The following AMOTL1 variants were observed in gnomAD, a reference collection of about 807,000 sequenced individuals.
AMOTL1 encodes angiomotin-like protein 1.
A neutral mutation model predicts 102.9 loss-of-function variants in AMOTL1; 45 were observed. The ratio of observed to expected loss-of-function variants is 0.44; its 90% confidence interval spans 0.34 to 0.56. AMOTL1 has a LOEUF of 0.56. Ranked by LOEUF, AMOTL1 falls within the 20% of genes least tolerant of loss-of-function variation. The pLI is 0.01. For synonymous variants in AMOTL1, 481 were observed against 484.7 expected (o/e 0.99, Z 0.10); for missense variants, 1,114 against 1,225.6 (o/e 0.91, Z 1.36).
chr11:94,834,460 G>A (rs751471023), intron 6 of AMOTL1, among the ~76,000 whole-genome samples: 1 of 152,112 alleles, frequency 6.6e-6, no homozygotes, highest in Non-Finnish European at 1.5e-5. Flanking sequence ...GATGGTGGGC[G>A]CCTGTAGTCC....
intron 3 of AMOTL1, among the ~76,000 whole-genome samples, chr11:94,815,688 A>T (rs1215827640): frequency 6.6e-6 from 1 of 152,142 alleles, no homozygotes; most frequent in African/African-American, 2.4e-5. Flanking sequence ...AGTTATTTAT[A>T]AAACAAGGTA....
chr11:94,717,277 C>T (rs1950112167), intron 1 of AMOTL1, among the ~76,000 whole-genome samples: 1 of 150,050 alleles, frequency 6.7e-6, no homozygotes, highest in Non-Finnish European at 1.5e-5. Flanking sequence ...TCTTATCTCA[C>T]AATAAACTTT....
chr11:94,822,248 G>T (rs754629147), intron 4 of AMOTL1, among the ~76,000 whole-genome samples: 19 of 152,162 alleles, frequency 1.2e-4, no homozygotes, highest in Non-Finnish European at 2.4e-4. Context: ...GGGAGTTTGA[G>T]ACCAGCCTGG....
intron 1 of AMOTL1, among the ~76,000 whole-genome samples, chr11:94,775,098 A>C (rs571570097): frequency 6.6e-6 from 1 of 152,336 alleles, no homozygotes; most frequent in South Asian, 2.1e-4. Context: ...GGCTTAAATG[A>C]CATAGTGAAT....
At chr11:94,810,870 G>A (rs936964111) in intron 3 of AMOTL1, among the ~76,000 whole-genome samples, 8 of 133,794 alleles carry the variant, frequency 6.0e-5, no homozygotes, top group African/African-American at 1.1e-4. Context: ...ACACACACAC[G>A]CGTACACACA....
At chr11:94,787,557 G>T (rs371636488) in intron 1 of AMOTL1, among the ~76,000 whole-genome samples, 1 of 151,432 alleles carries the variant, frequency 6.6e-6, no homozygotes, top group South Asian at 2.1e-4. Flanking sequence ...GCATGGTGGC[G>T]CGCGCCTGTA....
Position 94,784,968 on chromosome 11 carries a change from C to CA in AMOTL1, c.50-10030dup, listed in dbSNP as rs3031880. ...GCAACACAGCCATGAAAATAATGTG[C>CA]AAAAAAAAAAAAAGAAAAGAAAAGA... is the stretch of plus-strand genomic sequence containing the variant. On this transcript the variant is annotated intron_variant, in intron 1 of 12. Coordinates refer to ENST00000433060, the MANE Select transcript of AMOTL1 (RefSeq NM_130847.3). 4.2e-3 allele frequency among the ~76,000 whole-genome samples: 610 copies of CA among 146,854 alleles called. 12 individuals are homozygous for CA. Among genetic ancestry groups the CA allele is most frequent in the South Asian group, 0.033 (155 of 4,642 alleles).
intron 1 of AMOTL1, among the ~76,000 whole-genome samples, chr11:94,776,694 C>T (rs903532654): frequency 1.3e-5 from 2 of 152,212 alleles, no homozygotes; most frequent in Non-Finnish European, 2.9e-5. Context: ...GGTGGTATGA[C>T]CCAGCAATGT....
chr11:94,817,167 G>A (rs1352124655), intron 3 of AMOTL1, among the ~76,000 whole-genome samples: 2 of 151,740 alleles, frequency 1.3e-5, no homozygotes, highest in African/African-American at 4.8e-5. Context: ...CTTTATTAGG[G>A]CTTGTTGTTT....
intron 8 of AMOTL1, among the ~76,000 whole-genome samples, chr11:94,855,536 A>G (rs1952644756): frequency 6.6e-6 from 1 of 152,126 alleles, no homozygotes; most frequent in South Asian, 2.1e-4. Flanking sequence ...GTAGACACTG[A>G]TTAGTCTTTC....
At chr11:94,794,960 G>A (rs1951338691) in intron 1 of AMOTL1, 51 bp from the exon 2 acceptor site, 14 of 1,542,574 alleles carry the variant, frequency 9.1e-6, no homozygotes, top group Non-Finnish European at 1.2e-5. Flanking sequence ...CACACAGGAA[G>A]GAAGGAGGAC....
At chr11:94,821,018 G>A (rs1951855248) in intron 3 of AMOTL1, among the ~76,000 whole-genome samples, 1 of 152,130 alleles carries the variant, frequency 6.6e-6, no homozygotes, top group Non-Finnish European at 1.5e-5. Flanking sequence ...CCCAGTGGTT[G>A]GGGACCACCG....
In AMOTL1 at chr11:94,870,755, C is replaced by T; in HGVS notation, c.2831C>T (p.Pro944Leu). ...CGGGTCAGCAGCTTGCTGCACAAGC[C>T]CGAGTTCCCTGATGGAGAGATGATG... ...RGRVSSLLHK[P>L]EFPDGEMMEV... The change falls in exon 13 of 13, where the codon CCC becomes CTC. Residue 944 changes from proline to leucine, a missense_variant. Transcript: ENST00000433060. The T allele has an allele frequency of 6.2e-7, 1 of 1,603,068 alleles. No individual in the cohort carries two copies.
intron 4 of AMOTL1, among the ~76,000 whole-genome samples, chr11:94,827,406 T>A (rs1045951733): frequency 2.0e-5 from 3 of 152,116 alleles, no homozygotes; most frequent in Non-Finnish European, 2.9e-5. Flanking sequence ...TGGGGACTGT[T>A]CCTGTGACAT....
At chr11:94,721,958 A>T (rs749622163) in intron 1 of AMOTL1, among the ~76,000 whole-genome samples, 2 of 152,134 alleles carry the variant, frequency 1.3e-5, no homozygotes, top group Non-Finnish European at 2.9e-5. Context: ...GCTCATAATC[A>T]GAGAGCTGTG....
At chr11:94,778,340 A>G (rs1951057393) in intron 1 of AMOTL1, among the ~76,000 whole-genome samples, 2 of 152,208 alleles carry the variant, frequency 1.3e-5, no homozygotes, top group Non-Finnish European at 2.9e-5. Flanking sequence ...GGACCCTAAT[A>G]GGCTAACTGT....
chr11:94,841,791 TA>T (rs376201091), intron 6 of AMOTL1, among the ~76,000 whole-genome samples: 136 of 152,184 alleles, frequency 8.9e-4, no homozygotes, highest in African/African-American at 3.2e-3. Flanking sequence ...CTTGGGTGGG[TA>T]AAAAAACCTC....
intron 2 of AMOTL1, among the ~76,000 whole-genome samples, chr11:94,735,252 G>A (rs529869708): frequency 1.3e-4 from 20 of 152,300 alleles, no homozygotes; most frequent in Non-Finnish European, 2.6e-4. Flanking sequence ...CAGGTTCCCG[G>A]CTTACAGCTG....
chr11:94,745,930 A>G lies in AMOTL1; in HGVS notation c.136+4942A>G, dbSNP rs369320827. 1.7e-4 allele frequency among the ~76,000 whole-genome samples: 26 copies of G among 152,280 alleles called. 1 individual carries two copies. The highest frequency in any genetic ancestry group is 5.3e-4 in the African/African-American group (22 of 41,550). On this transcript the variant is annotated intron_variant, in intron 3 of 4. Coordinates refer to the AMOTL1 transcript ENST00000299004. ...GAATGGTGATTAGGTCAGTGGAATT[A>G]TTTAGTGATTCGTCCCTGGAGCCAC...
Sources: gnomAD v4.1 joint callset for allele counts (sites outside exome capture counted in the v4.1 genomes callset) on GRCh38, gnomAD v4.1.1 for gene constraint, MANE v1.5 for transcripts, NCBI Gene and HGNC (gene_info 2026-07-23, HGNC 2026-07-21) for gene names.